The following LOC400499 variants were observed in gnomAD, a reference collection of about 807,000 sequenced individuals.
the LOC400499 span, among the ~76,000 whole-genome samples, chr16:11,381,293 C>A: frequency 6.6e-6 from 1 of 152,166 alleles, no homozygotes; most frequent in African/African-American, 2.4e-5. Flanking sequence ...GTCACGCAGG[C>A]AGGAGTGTGA....
chr16:11,477,403 C>A, the LOC400499 span, among the ~76,000 whole-genome samples: 3 of 152,218 alleles, frequency 2.0e-5, no homozygotes, highest in African/African-American at 7.2e-5. Context: ...TGCTCTGGCG[C>A]CATGTGGCCC....
At chr16:11,387,419 G>T in the LOC400499 span, 1 of 737,828 alleles carries the variant, frequency 1.4e-6, no homozygotes, top group Non-Finnish European at 1.9e-6. Flanking sequence ...TGCCTTTCAG[G>T]GAGGGGCTGT....
the LOC400499 span, among the ~76,000 whole-genome samples, chr16:11,441,602 G>A: frequency 6.9e-6 from 1 of 144,964 alleles, no homozygotes; most frequent in East Asian, 2.0e-4. Context: ...ACTTTGCAGT[G>A]TGATTGGATT....
At chr16:11,395,777 G>T in the LOC400499 span, among the ~76,000 whole-genome samples, 1 of 152,152 alleles carries the variant, frequency 6.6e-6, no homozygotes, top group African/African-American at 2.4e-5. Flanking sequence ...GGAGACAGAG[G>T]AGGTGGATGG....
the LOC400499 span, among the ~76,000 whole-genome samples, chr16:11,406,546 C>T: frequency 6.6e-6 from 1 of 152,268 alleles, no homozygotes; most frequent in Non-Finnish European, 1.5e-5. Context: ...AATTCTCCTG[C>T]CTCAGCCTCC....
At chr16:11,517,611 T>A in the LOC400499 span, among the ~76,000 whole-genome samples, 6 of 152,180 alleles carry the variant, frequency 3.9e-5, no homozygotes, top group Admixed American at 2.0e-4. Flanking sequence ...GACTTGAGAC[T>A]GTCATTGTTG....
At chr16:11,515,716 A>G in the LOC400499 span, among the ~76,000 whole-genome samples, 3 of 87,094 alleles carry the variant, frequency 3.4e-5, no homozygotes, top group Non-Finnish European at 5.0e-5. Context: ...AGGGAGGAGG[A>G]AGGAGGAGGA....
the LOC400499 span, among the ~76,000 whole-genome samples, chr16:11,524,631 A>G: frequency 6.6e-6 from 1 of 152,122 alleles, no homozygotes; most frequent in African/African-American, 2.4e-5. Flanking sequence ...GGGGCAGAGG[A>G]CAACCAGGGC....
the LOC400499 span, among the ~76,000 whole-genome samples, chr16:11,389,831 T>A: frequency 6.6e-6 from 1 of 152,120 alleles, no homozygotes; most frequent in Admixed American, 6.5e-5. Flanking sequence ...GTGCTTCGTG[T>A]CTGAGTAAAA....
At chr16:11,411,564 G>C in the LOC400499 span, among the ~76,000 whole-genome samples, 1 of 152,198 alleles carries the variant, frequency 6.6e-6, no homozygotes, top group Non-Finnish European at 1.5e-5. Flanking sequence ...CTTGGCCTCT[G>C]CCTAGCTCTG....
chr16:11,496,888 A>ATGTGTG, the LOC400499 span, among the ~76,000 whole-genome samples: 154 of 144,384 alleles, frequency 1.1e-3, no homozygotes, highest in East Asian at 0.01. Context: ...GTATGCCTCA[A>ATGTGTG]TGTGTGTGTG....
the LOC400499 span, among the ~76,000 whole-genome samples, chr16:11,495,474 G>A: frequency 7.3e-5 from 11 of 151,648 alleles, no homozygotes; most frequent in Non-Finnish European, 1.5e-4. Flanking sequence ...TCCACCTCCT[G>A]GGTTCATGTG....
At chr16:11,384,140 C>T in the LOC400499 span, 2 of 1,214,182 alleles carry the variant, frequency 1.6e-6, no homozygotes, top group Non-Finnish European at 2.1e-6. Flanking sequence ...AGGCCGCCTG[C>T]CTCTCCCGGG....
At chr16:11,469,246 C>T in the LOC400499 span, 1 of 399,192 alleles carries the variant, frequency 2.5e-6, no homozygotes, top group Non-Finnish European at 4.4e-6. Context: ...CCAAGAGCCT[C>T]CATCTTTCCT....
chr16:11,457,107 G>C, the LOC400499 span: 1 of 1,438,676 alleles, frequency 7.0e-7, no homozygotes, highest in Non-Finnish European at 9.2e-7. Flanking sequence ...ATGTGCCCGG[G>C]AAGTTGAGGC....
the LOC400499 span, among the ~76,000 whole-genome samples, chr16:11,497,728 T>A: frequency 2.6e-5 from 4 of 152,208 alleles, no homozygotes; most frequent in African/African-American, 9.6e-5. Flanking sequence ...GTTCTGTGTA[T>A]GGCTGCCCGG....
At chr16:11,524,684 G>T in the LOC400499 span, among the ~76,000 whole-genome samples, 1 of 152,048 alleles carries the variant, frequency 6.6e-6, no homozygotes, top group African/African-American at 2.4e-5. Context: ...CCCAGCTCAG[G>T]CTGCTAAGAA....
the LOC400499 span, among the ~76,000 whole-genome samples, chr16:11,421,559 G>A: frequency 1.3e-5 from 2 of 152,154 alleles, no homozygotes; most frequent in African/African-American, 2.4e-5. Flanking sequence ...GCGCCACCAC[G>A]CCCAGCTAAT....
At chr16:11,488,575 A>C in the LOC400499 span, 2 of 386,130 alleles carry the variant, frequency 5.2e-6, no homozygotes, top group East Asian at 7.4e-5. Context: ...TTCAGCCACC[A>C]CACCCAACTG....
Sources: allele counts gnomAD v4.1 joint callset (sites outside exome capture counted in the v4.1 genomes callset), GRCh38; gene constraint gnomAD v4.1.1; transcripts MANE v1.5.